The following KCNMA1 variants were observed in gnomAD, a reference collection of about 807,000 sequenced individuals.
KCNMA1 encodes Calcium-activated potassium channel subunit alpha-1.
KCNMA1 carries 29 observed loss-of-function variants against 140.0 expected under a neutral mutation model. The observed-to-expected ratio is 0.21, with a 90% confidence interval of 0.15 to 0.28. The LOEUF is 0.28. Among genes scored for constraint, KCNMA1 ranks in the 10% least tolerant of loss-of-function variants. The probability of loss-of-function intolerance (pLI) is 1.00; values close to 1 mark genes in which losing one functional copy is unlikely to be tolerated. For synonymous variants in KCNMA1, 612 were observed against 611.9 expected, an observed-to-expected ratio of 1.00 and a Z score of 0.00; for missense variants, 880 against 1,602.2, an observed-to-expected ratio of 0.55 and a Z score of 7.70.
At chr10:77,160,102 G>C (rs1418741026) in intron 5 of KCNMA1, among the ~76,000 whole-genome samples, 1 of 148,016 alleles carries the variant, frequency 6.8e-6, no homozygotes, top group Non-Finnish European at 1.5e-5. Context: ...AGGGTAACTG[G>C]GAAGGCTCTC....
At chr10:76,892,643 G>A (rs1440525978) in intron 25 of KCNMA1, among the ~76,000 whole-genome samples, 2 of 152,142 alleles carry the variant, frequency 1.3e-5, no homozygotes, top group Non-Finnish European at 2.9e-5. Flanking sequence ...TTGCACCTCA[G>A]CAGCTTCTTA....
intron 1 of KCNMA1, among the ~76,000 whole-genome samples, chr10:77,623,050 T>C (rs2091796905): frequency 6.6e-6 from 1 of 152,182 alleles, no homozygotes; most frequent in Non-Finnish European, 1.5e-5. Flanking sequence ...CTAGTTTCTG[T>C]TTTCACCATG....
chr10:77,386,181 C>T (rs772705296), intron 2 of KCNMA1, among the ~76,000 whole-genome samples: 48 of 152,236 alleles, frequency 3.2e-4, no homozygotes, highest in South Asian at 6.2e-4. Context: ...CAGCTGGAAA[C>T]ACTGGCTGAG....
chr10:77,105,738 T>C (rs576595555), intron 9 of KCNMA1, among the ~76,000 whole-genome samples: 1 of 152,330 alleles, frequency 6.6e-6, no homozygotes, highest in South Asian at 2.1e-4. Context: ...TGCTTTCCTT[T>C]TGCAAATGCA....
intron 3 of KCNMA1, among the ~76,000 whole-genome samples, chr10:77,219,117 G>A (rs1169185304): frequency 6.6e-6 from 1 of 152,154 alleles, no homozygotes; most frequent in African/African-American, 2.4e-5. Flanking sequence ...CTTTCCCAGA[G>A]AATCAGCACA....
At chr10:77,332,048 G>A (rs183597550) in intron 2 of KCNMA1, among the ~76,000 whole-genome samples, 1 of 152,250 alleles carries the variant, frequency 6.6e-6, no homozygotes, top group East Asian at 1.9e-4. Context: ...CCATGAAAAT[G>A]CAATGAGGAA....
intron 1 of KCNMA1, among the ~76,000 whole-genome samples, chr10:77,507,672 C>T (rs2046650021): frequency 6.6e-6 from 1 of 152,186 alleles, no homozygotes. Flanking sequence ...GACCAGACTG[C>T]CTTCCTGTTT....
At chr10:77,633,800 C>T (rs543661457) in intron 1 of KCNMA1, among the ~76,000 whole-genome samples, 71 of 152,288 alleles carry the variant, frequency 4.7e-4, no homozygotes, top group Admixed American at 8.5e-4. Context: ...CACACTCAGG[C>T]CCCTCAACAA....
chr10:77,072,531 G>A (rs1256954819), intron 14 of KCNMA1, among the ~76,000 whole-genome samples: 3 of 151,214 alleles, frequency 2.0e-5, no homozygotes, highest in Middle Eastern at 3.4e-3. Flanking sequence ...CATCCAGACC[G>A]CCTGTCTCTC....
chr10:77,142,815 A>T (rs1316303369), intron 5 of KCNMA1, among the ~76,000 whole-genome samples: 1 of 152,066 alleles, frequency 6.6e-6, no homozygotes, highest in East Asian at 1.9e-4. Context: ...CCAAAACTTG[A>T]CACCCTGATG....
intron 1 of KCNMA1, among the ~76,000 whole-genome samples, chr10:77,508,792 A>C (rs2047224965): frequency 6.6e-6 from 1 of 151,794 alleles, no homozygotes; most frequent in Non-Finnish European, 1.5e-5. Context: ...TGTAACCAAA[A>C]ACATCTCCCT....
rs375419303 is a variant in KCNMA1, at chr10:77,398,193, T to C, written c.540+5669A>G. Among the ~76,000 whole-genome samples, 3 of 152,202 alleles carry C rather than the reference T, an allele frequency of 2.0e-5. No homozygotes were observed. The South Asian group carries it at 6.2e-4, about 32-fold the overall frequency. On this transcript the variant is annotated intron_variant, in intron 2 of 27. Coordinates refer to ENST00000286628, the MANE Select transcript of KCNMA1 (RefSeq NM_001161352.2). ...TAGGAGTTCAGGTATCTTTCTTATA[T>C]AATGATTTCTTTTCCTATGGGTAGC...
intron 2 of KCNMA1, among the ~76,000 whole-genome samples, chr10:77,358,154 C>T (rs536851646): frequency 3.4e-4 from 52 of 152,208 alleles, no homozygotes; most frequent in Non-Finnish European, 5.6e-4. Flanking sequence ...ATCCTCCGTC[C>T]CACCCCCAAG....
intron 1 of KCNMA1, among the ~76,000 whole-genome samples, chr10:77,517,523 C>A (rs936057767): frequency 6.6e-6 from 1 of 152,186 alleles, no homozygotes; most frequent in Admixed American, 6.5e-5. Context: ...AGCAGCCAGG[C>A]TGGGGATGCT....
chr10:77,213,296 C>T (rs1485887955), intron 3 of KCNMA1, among the ~76,000 whole-genome samples: 2 of 152,258 alleles, frequency 1.3e-5, no homozygotes, highest in South Asian at 2.1e-4. Context: ...CTTGGACTTG[C>T]TTATCATCCT....
intron 3 of KCNMA1, among the ~76,000 whole-genome samples, chr10:77,220,810 C>T (rs1028818608): frequency 1.3e-5 from 2 of 152,186 alleles, no homozygotes; most frequent in Admixed American, 1.3e-4. Flanking sequence ...ACTGTTGGGG[C>T]TGTTTTCTCT....
chr10:76,885,512 T>G lies in KCNMA1; in HGVS notation c.*1754A>C, dbSNP rs2151632656. ...CACAGCAAGCAAATATCCAAAACTA[T>G]CATGCTTGAGGGGACGGGGGATCCA... On this transcript the variant is annotated 3_prime_UTR_variant, in exon 28 of 28. Transcript: ENST00000286628. 1 of 985,248 alleles carries G rather than the reference T, an allele frequency of 1.0e-6. No individual in the cohort carries two copies. The highest frequency in any genetic ancestry group is 1.1e-4 in the East Asian group (1 of 8,790). The allele number at this position is 985,248 out of a possible 1,614,324, so 61.0% of individuals were successfully genotyped here.
At chr10:76,887,839 A>T (rs1214507843) in intron 27 of KCNMA1, 1 of 371,820 alleles carries the variant, frequency 2.7e-6, no homozygotes, top group Non-Finnish European at 5.1e-6. Flanking sequence ...CCCAACCGCA[A>T]GAGGTTTCAT....
At chr10:77,314,283 C>T (rs1276606276) in intron 2 of KCNMA1, among the ~76,000 whole-genome samples, 2 of 152,122 alleles carry the variant, frequency 1.3e-5, no homozygotes, top group African/African-American at 4.8e-5. Flanking sequence ...CCTTTTTGAT[C>T]CCCTCTTGTT....
Sources: gnomAD v4.1 joint callset for allele counts (sites outside exome capture counted in the v4.1 genomes callset) on GRCh38, gnomAD v4.1.1 for gene constraint, MANE v1.5 for transcripts, NCBI Gene and HGNC (gene_info 2026-07-23, HGNC 2026-07-21) for gene names.